Variants in DOCK1 observed in about 807,000 individuals in gnomAD.
The protein encoded by DOCK1 is dedicator of cytokinesis protein 1.
In DOCK1, 138 loss-of-function variants were observed where a neutral mutation model predicts 262.7. The observed-to-expected ratio is 0.53, with a 90% confidence interval of 0.46 to 0.61. The LOEUF is 0.61. Among genes scored for constraint, DOCK1 ranks in the 20% least tolerant of loss-of-function variants. The probability of loss-of-function intolerance (pLI) is 0.00; values close to 1 mark genes in which losing one functional copy is unlikely to be tolerated. For missense variants in DOCK1, 1,908 were observed against 2,370.7 expected (o/e 0.80, Z 4.05); for synonymous variants, 866 against 867.4 (o/e 1.00, Z 0.03).
intron 29 of DOCK1, among the ~76,000 whole-genome samples, chr10:127,335,481 A>C (rs141403599): frequency 6.6e-6 from 1 of 152,262 alleles, no homozygotes; most frequent in Non-Finnish European, 1.5e-5. Flanking sequence ...AAAAGCTTCT[A>C]ATATGATTTT....
intron 25 of DOCK1, among the ~76,000 whole-genome samples, chr10:127,112,028 TC>T (rs1232581885): frequency 2.0e-5 from 3 of 151,424 alleles, no homozygotes; most frequent in Admixed American, 2.0e-4. Flanking sequence ...TTTTTTTTTT[TC>T]GAGACATAGT....
chr10:127,082,843 T>G (rs1297423226), intron 23 of DOCK1, among the ~76,000 whole-genome samples: 3 of 152,170 alleles, frequency 2.0e-5, no homozygotes, highest in Non-Finnish European at 2.9e-5. Context: ...TCCCTTCTTG[T>G]CTCTGTACAC....
intron 33 of DOCK1, among the ~76,000 whole-genome samples, chr10:127,362,669 C>T (rs556603528): frequency 6.6e-6 from 1 of 152,304 alleles, no homozygotes; most frequent in South Asian, 2.1e-4. Context: ...GATGAAAATT[C>T]TCTAAGAAAG....
At chr10:127,066,450 G>A (rs946105924) in intron 23 of DOCK1, among the ~76,000 whole-genome samples, 5 of 152,136 alleles carry the variant, frequency 3.3e-5, no homozygotes, top group African/African-American at 1.2e-4. Context: ...CCCATCTGGT[G>A]ATGACTTGCT....
At chr10:126,982,005 T>C (rs2134853014) in intron 4 of DOCK1, 32 bp downstream of exon 4, 3 of 1,608,580 alleles carry the variant, frequency 1.9e-6, no homozygotes, top group South Asian at 1.1e-5. Flanking sequence ...AAATGAAGAA[T>C]TGCAAGTACT....
At chr10:127,070,451 A>T (rs1393125669) in intron 23 of DOCK1, among the ~76,000 whole-genome samples, 1 of 151,660 alleles carries the variant, frequency 6.6e-6, no homozygotes, top group Non-Finnish European at 1.5e-5. Context: ...ACAGGGTTTC[A>T]CCACATTTGC....
In DOCK1 at chr10:127,175,575, G is replaced by A. The variant is rs754517108; in HGVS notation, c.2847+47811G>A. The A allele has an allele frequency of 2.5e-6, 4 of 1,611,832 alleles. No individual in the cohort carries two copies. The East Asian group carries it at 8.9e-5, about 36-fold the overall frequency. ...GCAGAGTGACCACTGGCTGGCGGCT[G>A]CAGAGTCTGACAAACCAGGCTCGGG... On this transcript the variant is annotated intron_variant, in intron 27 of 51. Transcript: ENST00000623213. This position sits in a 1 kb window ranked among gnomAD's most constrained non-coding sequence, Gnocchi z 6.3.
At chr10:127,298,100 A>G (rs1345843385) in intron 29 of DOCK1, among the ~76,000 whole-genome samples, 1 of 152,190 alleles carries the variant, frequency 6.6e-6, no homozygotes, top group Non-Finnish European at 1.5e-5. Flanking sequence ...TTTTAAAACT[A>G]TTATTAAGAT....
intron 29 of DOCK1, among the ~76,000 whole-genome samples, chr10:127,268,449 G>A (rs957028602): frequency 3.1e-5 from 4 of 128,598 alleles, no homozygotes; most frequent in South Asian, 2.5e-4. Context: ...GCAGTGAGCC[G>A]AGATCGTGCC....
At chr10:127,228,739 C>A (rs1231458853) in intron 27 of DOCK1, among the ~76,000 whole-genome samples, 3 of 152,188 alleles carry the variant, frequency 2.0e-5, no homozygotes, top group African/African-American at 7.2e-5. Flanking sequence ...AAATCACACA[C>A]ATTCTCTAGC....
intron 1 of DOCK1, among the ~76,000 whole-genome samples, chr10:126,968,451 A>ATATC (rs2037843612): frequency 6.6e-6 from 1 of 152,060 alleles, no homozygotes; most frequent in Non-Finnish European, 1.5e-5. Flanking sequence ...GGCTCATTTC[A>ATATC]CAGTTAAATG....
intron 27 of DOCK1, chr10:127,153,943 G>A (rs1374392972): frequency 3.1e-6 from 5 of 1,605,474 alleles, no homozygotes; most frequent in African/African-American, 1.3e-5. Flanking sequence ...AAGAACAGGA[G>A]AGCATTACAA....
intron 2 of DOCK1, among the ~76,000 whole-genome samples, chr10:126,977,329 G>A (rs534953573): frequency 7.9e-5 from 12 of 152,230 alleles, no homozygotes; most frequent in African/African-American, 1.9e-4. Flanking sequence ...TCTTTCTCTC[G>A]CCACTTGGAA....
At chr10:127,155,264 A>G (rs1330328123) in intron 27 of DOCK1, among the ~76,000 whole-genome samples, 1 of 151,980 alleles carries the variant, frequency 6.6e-6, no homozygotes, top group African/African-American at 2.4e-5. Flanking sequence ...TGTCTGTTAC[A>G]TCAACATTTG....
intron 21 of DOCK1, 90 bp downstream of exon 21, chr10:127,043,254 G>T (rs748192402): frequency 6.0e-6 from 6 of 1,002,508 alleles, no homozygotes; most frequent in Admixed American, 2.4e-5. Context: ...GTCTATGACT[G>T]TGTATTTACT....
At chr10:127,283,539 A>G (rs1254177271) in intron 29 of DOCK1, among the ~76,000 whole-genome samples, 1 of 152,244 alleles carries the variant, frequency 6.6e-6, no homozygotes, top group Admixed American at 6.5e-5. Context: ...GAGTGAAAAG[A>G]GCACAATGTA....
chr10:127,053,364 AC>A (rs2135745498), intron 22 of DOCK1, among the ~76,000 whole-genome samples: 1 of 151,870 alleles, frequency 6.6e-6, no homozygotes, highest in East Asian at 1.9e-4. Flanking sequence ...AATAAATAAA[AC>A]AACAATGAAA....
At chr10:127,072,337 G>A (rs1002371861) in intron 23 of DOCK1, among the ~76,000 whole-genome samples, 1 of 152,336 alleles carries the variant, frequency 6.6e-6, no homozygotes, top group African/African-American at 2.4e-5. Context: ...GATACGCTCT[G>A]TATTCTCATG....
At chr10:127,018,138 G>A (rs760188460) in intron 12 of DOCK1, among the ~76,000 whole-genome samples, 3 of 152,208 alleles carry the variant, frequency 2.0e-5, no homozygotes, top group African/African-American at 7.2e-5. Context: ...TGGCACTGTG[G>A]TACAGAGGGC....
Sources: allele counts gnomAD v4.1 joint callset (sites outside exome capture counted in the v4.1 genomes callset), GRCh38; gene constraint gnomAD v4.1.1; non-coding constraint Gnocchi (gnomAD v3.1); transcripts MANE v1.5; gene names NCBI Gene and HGNC (gene_info 2026-07-23, HGNC 2026-07-21).